Variants in CRADD observed in about 807,000 individuals in gnomAD.
CRADD encodes death domain-containing protein CRADD.
CRADD carries 9 observed loss-of-function variants against 15.5 expected under a neutral mutation model. The observed-to-expected ratio is 0.58, with a 90% CI of 0.35 to 1.01. CRADD has a LOEUF of 1.01. Among genes scored for constraint, CRADD ranks in the 50% least tolerant of loss-of-function variants. CRADD has a pLI of 0.02. For missense variants in CRADD, 227 were observed against 250.3 expected, an observed-to-expected ratio of 0.91 and a Z score of 0.63; for synonymous variants, 118 against 107.6, an observed-to-expected ratio of 1.10 and a Z score of -0.60.
chr12:93,885,061 A>G (rs1009995662), intron 2 of CRADD, among the ~76,000 whole-genome samples: 1 of 152,170 alleles, frequency 6.6e-6, no homozygotes, highest in African/African-American at 2.4e-5. Flanking sequence ...AGAAGGACTG[A>G]CAAGTCCTTT....
At chr12:93,865,858 T>C (rs892325297) in intron 2 of CRADD, among the ~76,000 whole-genome samples, 8 of 152,224 alleles carry the variant, frequency 5.3e-5, no homozygotes, top group Non-Finnish European at 1.0e-4. Flanking sequence ...CACAGTTGGT[T>C]GAATCTGGGC....
At chr12:93,710,166 C>T (rs1956035187) in intron 2 of CRADD, among the ~76,000 whole-genome samples, 3 of 152,138 alleles carry the variant, frequency 2.0e-5, no homozygotes, top group African/African-American at 7.2e-5. Context: ...CAGAACTTGG[C>T]TGGACTAGAA....
At chr12:93,889,470 G>A (rs1052137796) in intron 2 of CRADD, among the ~76,000 whole-genome samples, 3 of 152,118 alleles carry the variant, frequency 2.0e-5, no homozygotes, top group African/African-American at 7.2e-5. Context: ...ACAGATAAAA[G>A]GGGGCATCTT....
chr12:93,827,018 C>G (rs541998741), intron 2 of CRADD, among the ~76,000 whole-genome samples: 5 of 152,180 alleles, frequency 3.3e-5, no homozygotes, highest in Admixed American at 2.6e-4. Flanking sequence ...GAAGTGGGGC[C>G]AGGGACAAGA....
intron 2 of CRADD, among the ~76,000 whole-genome samples, chr12:93,775,410 T>C (rs1957130758): frequency 6.6e-6 from 1 of 152,166 alleles, no homozygotes; most frequent in African/African-American, 2.4e-5. Context: ...TAGGTTTGCA[T>C]TAGGAGGCCT....
At chr12:93,827,094 G>A (rs1957832430) in intron 2 of CRADD, among the ~76,000 whole-genome samples, 1 of 152,090 alleles carries the variant, frequency 6.6e-6, no homozygotes, top group African/African-American at 2.4e-5. Context: ...ACAGTAAACT[G>A]CACAAGTTCT....
chr12:93,810,511 A>G (rs1389447440), intron 2 of CRADD, among the ~76,000 whole-genome samples: 1 of 131,614 alleles, frequency 7.6e-6, no homozygotes, highest in East Asian at 2.6e-4. Context: ...AGATTGTACC[A>G]TTGCACTCCA....
In CRADD at chr12:93,874,999, C is replaced by T. The variant is rs373582809; in HGVS notation, c.299-19051C>T. On this transcript the variant is annotated intron_variant, in intron 2 of 2. Coordinates refer to the CRADD transcript ENST00000548483. ...TTGATTTTCTGTCTGGAAGATCTGT[C>T]CAATGCTGAAAGTGGAGTGTTGAAG... Among the ~76,000 whole-genome samples, 19 of 152,148 alleles carry T rather than the reference C, an allele frequency of 1.2e-4. 2 individuals carry two copies. Among genetic ancestry groups the T allele is most frequent in the South Asian group, 1.2e-3 (6 of 4,828 alleles).
chr12:93,844,976 T>TA (rs1181037271), intron 2 of CRADD, among the ~76,000 whole-genome samples: 3 of 151,764 alleles, frequency 2.0e-5, no homozygotes, highest in East Asian at 1.9e-4. Flanking sequence ...TGGTAAAAGT[T>TA]AAAAAAACAA....
chr12:93,687,312 A>G (rs1386648502), intron 2 of CRADD, among the ~76,000 whole-genome samples: 2 of 152,160 alleles, frequency 1.3e-5, no homozygotes, highest in Non-Finnish European at 2.9e-5. Context: ...CTGTGGATGT[A>G]TAGACCGTTC....
intron 2 of CRADD, among the ~76,000 whole-genome samples, chr12:93,784,081 TG>T (rs1957244655): frequency 6.6e-6 from 1 of 152,134 alleles, no homozygotes; most frequent in Non-Finnish European, 1.5e-5. Context: ...ACACCTGCAG[TG>T]CGGTACTTCA....
intron 2 of CRADD, among the ~76,000 whole-genome samples, chr12:93,717,860 A>G (rs1956189622): frequency 1.3e-5 from 2 of 152,146 alleles, no homozygotes; most frequent in African/African-American, 2.4e-5. Context: ...AGGGTCTAAC[A>G]TCTGTGCCTG....
intron 2 of CRADD, among the ~76,000 whole-genome samples, chr12:93,767,218 C>T (rs1025416230): frequency 1.3e-5 from 2 of 152,362 alleles, no homozygotes; most frequent in African/African-American, 2.4e-5. Context: ...ATGATTTGTT[C>T]GTATCCTCCT....
Position 93,802,818 on chromosome 12 carries a change from A to T in CRADD, c.299-47152A>T, listed in dbSNP as rs148980127. On this transcript the variant is annotated intron_variant, in intron 2 of 2. Coordinates refer to ENST00000332896, the MANE Select transcript of CRADD (RefSeq NM_003805.5). ...CAGTGTGAGCTCTGAATGCTTCAGG[A>T]TGTCTTCCAATAGCCAGCCTTTCCT... is the stretch of plus-strand genomic sequence containing the variant. Among the ~76,000 whole-genome samples, 89 of 152,242 alleles carry T rather than the reference A, an allele frequency of 5.8e-4. 1 individual carries two copies. In the East Asian group the frequency reaches 0.016, roughly 27 times the overall value.
At chr12:93,721,235 G>GT (rs888372044) in intron 2 of CRADD, among the ~76,000 whole-genome samples, 9 of 151,584 alleles carry the variant, frequency 5.9e-5, no homozygotes, top group African/African-American at 2.2e-4. Flanking sequence ...TCCTTTTTTT[G>GT]TTTTTTTAAA....
intron 2 of CRADD, chr12:93,826,647 A>G (rs1434642730): frequency 6.6e-6 from 1 of 152,178 alleles, no homozygotes; most frequent in Non-Finnish European, 1.5e-5. Flanking sequence ...TGATTTTTAA[A>G]TGGATGAAAG....
At chr12:93,681,324 A>G (rs114640494) in intron 2 of CRADD, among the ~76,000 whole-genome samples, 3 of 152,224 alleles carry the variant, frequency 2.0e-5, no homozygotes, top group Non-Finnish European at 4.4e-5. Context: ...ACATAATGGG[A>G]AAAAAATTGA....
chr12:93,741,948 C>T (rs1168033208), intron 2 of CRADD, among the ~76,000 whole-genome samples: 1 of 152,036 alleles, frequency 6.6e-6, no homozygotes, highest in Non-Finnish European at 1.5e-5. Flanking sequence ...CACCGCGTCT[C>T]CTCTACACGC....
intron 2 of CRADD, among the ~76,000 whole-genome samples, chr12:93,893,106 A>G (rs1320389417): frequency 6.6e-6 from 1 of 152,088 alleles, no homozygotes; most frequent in Non-Finnish European, 1.5e-5. Flanking sequence ...TCAGGTTACC[A>G]GTTTCCTTTG....
Sources: gnomAD v4.1 joint callset for allele counts (sites outside exome capture counted in the v4.1 genomes callset) on GRCh38, gnomAD v4.1.1 for gene constraint, MANE v1.5 for transcripts, NCBI Gene and HGNC (gene_info 2026-07-23, HGNC 2026-07-21) for gene names.